Variants in SLC22A23 observed in about 807,000 individuals in gnomAD.
SLC22A23 encodes the protein ion transporter protein.
Under a neutral mutation model 61.0 loss-of-function variants are expected in SLC22A23, and 26 were observed. The observed-to-expected ratio is 0.43, with a 90% CI of 0.31 to 0.59. SLC22A23 has a LOEUF of 0.59. SLC22A23 is among the 20% of genes least tolerant of loss of function. The probability of loss-of-function intolerance (pLI) is 0.11; values close to 1 mark genes in which losing one functional copy is unlikely to be tolerated. For missense variants in SLC22A23, 796 were observed against 934.7 expected (o/e 0.85, Z 1.94); for synonymous variants, 430 against 413.9 (o/e 1.04, Z -0.47).
At chr6:3,332,968 T>G (rs1763659072) in intron 3 of SLC22A23, among the ~76,000 whole-genome samples, 1 of 152,194 alleles carries the variant, frequency 6.6e-6, no homozygotes, top group Non-Finnish European at 1.5e-5. Context: ...AAGCTCCACC[T>G]AATGTCTGGT....
intron 3 of SLC22A23, among the ~76,000 whole-genome samples, chr6:3,344,059 T>G (rs534433348): frequency 2.3e-4 from 35 of 152,340 alleles, no homozygotes; most frequent in African/African-American, 7.9e-4. Context: ...TTGGTTTCTG[T>G]GGCTTTTTCT....
At chr6:3,366,901 T>C (rs1556069) in intron 3 of SLC22A23, among the ~76,000 whole-genome samples, 106,819 of 152,074 alleles carry the variant, frequency 0.7, 37,757 homozygotes, top group East Asian at 0.84. Context: ...ACTTAGTTGA[T>C]ATTTGTCAGT....
In SLC22A23 at chr6:3,357,306, CTT is replaced by C. The variant is rs1403077340; in HGVS notation, c.914-33306_914-33305del. Among the ~76,000 whole-genome samples the C allele has an allele frequency of 1.5e-3, 227 of 152,318 alleles. 1 individual carries two copies. Among genetic ancestry groups the C allele is most frequent in the Non-Finnish European group, 7.4e-4 (50 of 68,018 alleles). ...GGACTTATCCCAGCCTCTGTAAAGT[CTT>C]TGCTAATAATTATCCAGACAGCTTT... On this transcript the variant is annotated intron_variant, in intron 3 of 9. Coordinates refer to ENST00000406686, the MANE Select transcript of SLC22A23 (RefSeq NM_015482.2).
chr6:3,405,891 G>T (rs1317572321), intron 3 of SLC22A23, among the ~76,000 whole-genome samples: 2 of 152,182 alleles, frequency 1.3e-5, no homozygotes, highest in Non-Finnish European at 2.9e-5. Context: ...TTTTTGCAAA[G>T]TAATCAGTAA....
At chr6:3,445,237 C>T (rs1220364108) in intron 1 of SLC22A23, among the ~76,000 whole-genome samples, 3 of 151,826 alleles carry the variant, frequency 2.0e-5, no homozygotes, top group Non-Finnish European at 2.9e-5. Flanking sequence ...CTCACTGTGT[C>T]CCCCAGGCTG....
intron 1 of SLC22A23, among the ~76,000 whole-genome samples, chr6:3,439,793 G>A (rs1771469037): frequency 6.6e-6 from 1 of 152,118 alleles, no homozygotes; most frequent in South Asian, 2.1e-4. Flanking sequence ...GGTGGGAAAC[G>A]GGAAGGGAGG....
Position 3,327,483 on chromosome 6 carries a change from T to C in SLC22A23, c.914-3481A>G, listed in dbSNP as rs1763350091. ...GGTGATGCATCAAAGATTCAAACATTAAACTATCTCAAGTGGCCAGCATGT... is the reference window on the plus strand; with the variant it reads ...GGTGATGCATCAAAGATTCAAACATCAAACTATCTCAAGTGGCCAGCATGT... On this transcript the variant is annotated intron_variant, in intron 3 of 9. Transcript: ENST00000406686. This position sits in a 1 kb window ranked among gnomAD's most constrained non-coding sequence, Gnocchi z 4.1. 6.6e-6 allele frequency among the ~76,000 whole-genome samples: 1 copy of C among 152,216 alleles called. No individual in the cohort carries two copies. Among genetic ancestry groups the C allele is most frequent in the Non-Finnish European group, 1.5e-5 (1 of 68,024 alleles).
chr6:3,290,492 A>G (rs4076221), intron 5 of SLC22A23: 47,171 of 154,376 alleles, frequency 0.31, 11,114 homozygotes, highest in African/African-American at 0.65. Context: ...ATACGCATGC[A>G]TATACGTGTG....
chr6:3,289,966 G>A (rs1454696532), intron 5 of SLC22A23, 100 bp from the exon 6 acceptor site: 1 of 636,874 alleles, frequency 1.6e-6, no homozygotes, highest in South Asian at 1.6e-5. Flanking sequence ...GGGTACCACA[G>A]AAGGGAGAGA....
intron 3 of SLC22A23, among the ~76,000 whole-genome samples, chr6:3,398,896 G>C (rs1225713169): frequency 6.6e-6 from 1 of 152,104 alleles, no homozygotes; most frequent in African/African-American, 2.4e-5. Context: ...AGGCACGGTG[G>C]TGCATGCCTG....
intron 9 of SLC22A23, among the ~76,000 whole-genome samples, chr6:3,275,463 A>C (rs575534455): frequency 6.6e-6 from 1 of 152,254 alleles, no homozygotes; most frequent in Non-Finnish European, 1.5e-5. Context: ...AAAGCTGATC[A>C]ATTGGACTTC....
chr6:3,385,854 C>T (rs914325705), intron 3 of SLC22A23, among the ~76,000 whole-genome samples: 10 of 152,208 alleles, frequency 6.6e-5, no homozygotes, highest in Admixed American at 5.9e-4. Flanking sequence ...CACTCTGTTA[C>T]CAGGACAGAG....
chr6:3,280,512 T>TTTTCCC lies in SLC22A23; in HGVS notation c.1703+3339_1703+3340insGGGAAA, dbSNP rs781526188. ...CAACTTTTTTTTTTTTTTTTTTTTT[T>TTTTCCC]TGAGATGGAGTCTCGCTCTGTCGCC... On this transcript the variant is annotated intron_variant, in intron 9 of 9. Coordinates refer to ENST00000406686, the MANE Select transcript of SLC22A23 (RefSeq NM_015482.2). Among the ~76,000 whole-genome samples, 9 of 98,328 alleles carry TTTTCCC rather than the reference T, an allele frequency of 9.2e-5. 1 individual carries two copies. Among genetic ancestry groups the TTTTCCC allele is most frequent in the East Asian group, 2.7e-4 (1 of 3,650 alleles). The allele number at this position is 98,328 out of a possible 152,430, so 64.5% of individuals were successfully genotyped here.
rs1768506987 is a variant in SLC22A23, at chr6:3,402,619, A to G, written c.913+7569T>C. Among the ~76,000 whole-genome samples, 3 of 152,346 alleles carry G rather than the reference A, an allele frequency of 2.0e-5. No individual in the cohort carries two copies. In the South Asian group the frequency reaches 6.2e-4, roughly 32 times the overall value. On this transcript the variant is annotated intron_variant, in intron 3 of 9. Coordinates refer to ENST00000406686, the MANE Select transcript of SLC22A23 (RefSeq NM_015482.2). Reference sequence around the variant, plus strand: ...AACCCCAATCACCTATACTACCCAGAGTACACTAGGCTCTTCTAGGATCTA... The same window carrying G: ...AACCCCAATCACCTATACTACCCAGGGTACACTAGGCTCTTCTAGGATCTA...
intron 1 of SLC22A23, among the ~76,000 whole-genome samples, chr6:3,430,509 A>G (rs1770788670): frequency 6.7e-6 from 1 of 149,728 alleles, no homozygotes; most frequent in South Asian, 2.2e-4. Flanking sequence ...ACTGCAGACC[A>G]GTGCCACAGT....
intron 1 of SLC22A23, among the ~76,000 whole-genome samples, chr6:3,426,275 G>C (rs1356891622): frequency 6.6e-6 from 1 of 152,186 alleles, no homozygotes; most frequent in African/African-American, 2.4e-5. Flanking sequence ...AGTCAGACTT[G>C]AGCAGAGCCC....
chr6:3,428,361 T>C (rs1174242071), intron 1 of SLC22A23, among the ~76,000 whole-genome samples: 1 of 152,174 alleles, frequency 6.6e-6, no homozygotes, highest in Non-Finnish European at 1.5e-5. Context: ...TTCTGTTACT[T>C]GTGGAGTTGG....
chr6:3,446,134 C>T (rs1466961750), intron 1 of SLC22A23, among the ~76,000 whole-genome samples: 1 of 152,202 alleles, frequency 6.6e-6, no homozygotes, highest in Non-Finnish European at 1.5e-5. Context: ...CATTCTCAAG[C>T]ACAACGGGAG....
Position 3,427,181 on chromosome 6 carries a change from T to A in SLC22A23, c.655-11326A>T, listed in dbSNP as rs974607626. ...AGTTTTAACATCTATGACGTAGGAG[T>A]CGCAAAACCTTCACCAGAGGGTTGT... On this transcript the variant is annotated intron_variant, in intron 1 of 9. Coordinates refer to ENST00000406686, the MANE Select transcript of SLC22A23 (RefSeq NM_015482.2). The surrounding 1 kb of genome is among the most constrained non-coding windows in gnomAD (Gnocchi z 4.3). Among the ~76,000 whole-genome samples, 2 of 151,906 alleles carry A rather than the reference T, an allele frequency of 1.3e-5. No individual in the cohort carries two copies. The highest frequency in any genetic ancestry group is 2.9e-5 in the Non-Finnish European group (2 of 68,000).
Sources: allele counts gnomAD v4.1 joint callset (sites outside exome capture counted in the v4.1 genomes callset), GRCh38; gene constraint gnomAD v4.1.1; non-coding constraint Gnocchi (gnomAD v3.1); transcripts MANE v1.5; gene names NCBI Gene and HGNC (gene_info 2026-07-23, HGNC 2026-07-21).